ATAD2B: variants seen among roughly 807,000 people sequenced by gnomAD.
The protein encoded by ATAD2B is ATPase family AAA domain containing 2B, also known as ATPase family AAA domain-containing protein 2B.
In ATAD2B, 40 loss-of-function variants were observed where a neutral mutation model predicts 167.6. The ratio of observed to expected loss-of-function variants is 0.24; its 90% CI spans 0.19 to 0.31. ATAD2B has a LOEUF of 0.31. Ranked by LOEUF, ATAD2B falls within the 10% of genes least tolerant of loss-of-function variation. The pLI is 1.00. For missense variants in ATAD2B, 1,242 were observed against 1,757.2 expected (o/e 0.71, Z 5.24); for synonymous variants, 579 against 596.5 (o/e 0.97, Z 0.43).
At chr2:23,723,993 A>G in the ATAD2B span, among the ~76,000 whole-genome samples, 1 of 152,256 alleles carries the variant, frequency 6.6e-6, no homozygotes, top group African/African-American at 2.4e-5. Flanking sequence ...ATTTGAGGAC[A>G]TTATGTTAAG....
chr2:23,807,634 G>A (rs115880416), intron 18 of ATAD2B, among the ~76,000 whole-genome samples: 4,604 of 151,624 alleles, frequency 0.03, 79 homozygotes, highest in Non-Finnish European at 0.042. Context: ...GGCTAACATG[G>A]TGACACACCG....
At position 23,857,462 on chromosome 2, in the gene ATAD2B, T is replaced by A; in HGVS notation, c.1521A>T (p.Ile507=). ...MRPSIIFFDE[I]DGLAPVRSSR... ...TAGAGCGAACTGGAGCTAATCCATC[T>A]ATTTCATCAAAAAATATTATAGAAG... The change falls in exon 13 of 28, where the codon ATA becomes ATT. Residue 507 remains isoleucine, a synonymous_variant. Coordinates refer to ENST00000238789, the MANE Select transcript of ATAD2B (RefSeq NM_017552.4). 6.6e-7 allele frequency: 1 copy of A among 1,517,140 alleles called. No individual in the cohort carries two copies. Among genetic ancestry groups the A allele is most frequent in the Admixed American group, 2.4e-5 (1 of 41,568 alleles). The allele number at this position is 1,517,140 out of a possible 1,614,324, so 94.0% of individuals were successfully genotyped here. A position where few individuals can be genotyped will look rare whatever the true frequency, so the allele number is the denominator to read the frequency against.
At chr2:23,914,514 C>T (rs187360205) in intron 1 of ATAD2B, among the ~76,000 whole-genome samples, 1 of 152,230 alleles carries the variant, frequency 6.6e-6, no homozygotes, top group Non-Finnish European at 1.5e-5. Context: ...AAAAAGGTAG[C>T]TCATGCCAAA....
chr2:23,882,774 C>T (rs1698128794), intron 6 of ATAD2B, among the ~76,000 whole-genome samples: 1 of 151,654 alleles, frequency 6.6e-6, no homozygotes, highest in Non-Finnish European at 1.5e-5. Flanking sequence ...TGCACCACTG[C>T]ACTCCAGCCT....
chr2:23,834,472 T>C (rs1390175407), intron 13 of ATAD2B, among the ~76,000 whole-genome samples: 1 of 152,012 alleles, frequency 6.6e-6, no homozygotes, highest in Non-Finnish European at 1.5e-5. Flanking sequence ...TATCAGTCTT[T>C]AATGCTAACA....
intron 22 of ATAD2B, among the ~76,000 whole-genome samples, chr2:23,768,485 C>T (rs1303709349): frequency 6.6e-6 from 1 of 151,826 alleles, no homozygotes; most frequent in Non-Finnish European, 1.5e-5. Context: ...GCAGCAGGAT[C>T]GCTTGAGCCC....
At position 23,782,731 on chromosome 2, in the gene ATAD2B, G is replaced by A. The variant is rs889871253; in HGVS notation, c.3133+138C>T. 2.5e-5 allele frequency: 15 copies of A among 596,176 alleles called. No individual in the cohort carries two copies. In the African/African-American group the frequency reaches 2.7e-4, roughly 11 times the overall value. The allele number at this position is 596,176 out of a possible 1,614,324, so 36.9% of individuals were successfully genotyped here. On this transcript the variant is annotated intron_variant, in intron 22 of 27. Transcript: ENST00000238789. ...AACACATTATTTTTATGTAGGCTAT[G>A]AGCTTCTTATTGAGAAGTTTTGAAA...
chr2:23,868,605 A>G (rs1435187596), intron 9 of ATAD2B, among the ~76,000 whole-genome samples: 1 of 152,162 alleles, frequency 6.6e-6, no homozygotes, highest in African/African-American at 2.4e-5. Flanking sequence ...ATCCTCAACT[A>G]TTACACGAAT....
At chr2:23,746,587 A>G (rs948733697), downstream of ATAD2B, among the ~76,000 whole-genome samples, 6 of 152,212 alleles carry the variant, frequency 3.9e-5, no homozygotes, top group African/African-American at 1.4e-4. Flanking sequence ...ACTAGTCCAA[A>G]CAAAAGGATT....
chr2:23,753,329 G>C (rs1157054871), intron 27 of ATAD2B, among the ~76,000 whole-genome samples: 1 of 152,102 alleles, frequency 6.6e-6, no homozygotes, highest in East Asian at 1.9e-4. Flanking sequence ...TTTGAGAGCA[G>C]AGACTTTGTC....
At chr2:23,911,844 G>T (rs1021906280) in intron 1 of ATAD2B, among the ~76,000 whole-genome samples, 1 of 151,842 alleles carries the variant, frequency 6.6e-6, no homozygotes, top group African/African-American at 2.4e-5. Context: ...GTGTGGTGGT[G>T]CATGCCTGTA....
intron 19 of ATAD2B, among the ~76,000 whole-genome samples, chr2:23,792,975 A>C (rs866076003): frequency 3.6e-4 from 54 of 150,496 alleles, no homozygotes; most frequent in African/African-American, 1.2e-3. Context: ...AAAAAAAAAA[A>C]AAAAAAAAAA....
rs36018928 is a variant in ATAD2B, at chr2:23,877,067, CA to C, written c.902-1164del. ...GGGCAAGAAGAGCGAAACTCCATCT[CA>C]AAAAAAAAAAAAAAAAGAAAGAAAG... On this transcript the variant is annotated intron_variant, in intron 7 of 27. Coordinates refer to ENST00000238789, the MANE Select transcript of ATAD2B (RefSeq NM_017552.4). Among the ~76,000 whole-genome samples, 326 of 109,090 alleles carry C rather than the reference CA, an allele frequency of 3.0e-3. 1 individual carries two copies. The highest frequency in any genetic ancestry group is 8.9e-3 in the African/African-American group (232 of 26,030). The allele number at this position is 109,090 out of a possible 152,430, so 71.6% of individuals were successfully genotyped here. A position where few individuals can be genotyped will look rare whatever the true frequency, so the allele number is the denominator to read the frequency against.
chr2:23,885,547 G>A (rs1374958213), intron 5 of ATAD2B, among the ~76,000 whole-genome samples, 180 bp downstream of exon 5: 3 of 152,200 alleles, frequency 2.0e-5, no homozygotes, highest in Non-Finnish European at 2.9e-5. Flanking sequence ...TGGAAAGGTT[G>A]TAGCAAGAGG....
intron 10 of ATAD2B, among the ~76,000 whole-genome samples, chr2:23,867,289 G>A (rs571867994): frequency 6.6e-6 from 1 of 152,214 alleles, no homozygotes; most frequent in Admixed American, 6.5e-5. Flanking sequence ...CTAGAAACCT[G>A]GGTAATACTC....
chr2:23,887,603 T>C (rs1258503255), intron 4 of ATAD2B, among the ~76,000 whole-genome samples: 3 of 152,246 alleles, frequency 2.0e-5, no homozygotes, highest in African/African-American at 7.2e-5. Context: ...GATGCAGACG[T>C]TGAACGGATA....
intron 17 of ATAD2B, among the ~76,000 whole-genome samples, chr2:23,811,627 T>C (rs1023808864): frequency 5.3e-4 from 81 of 152,136 alleles, no homozygotes; most frequent in African/African-American, 2.0e-3. Context: ...GGGATAGCAT[T>C]AGGAGAAATA....
intron 18 of ATAD2B, among the ~76,000 whole-genome samples, chr2:23,805,962 T>C (rs374663133): frequency 3.3e-5 from 5 of 152,168 alleles, no homozygotes; most frequent in African/African-American, 1.2e-4. Flanking sequence ...TTTAAGGTAT[T>C]TGCCCATATT....
At chr2:23,868,674 C>T (rs1003033292) in intron 9 of ATAD2B, among the ~76,000 whole-genome samples, 3 of 152,010 alleles carry the variant, frequency 2.0e-5, no homozygotes, top group African/African-American at 7.2e-5. Context: ...AAAAAAAAAC[C>T]AGAGATCACA....
Sources: gnomAD v4.1 joint callset for allele counts (sites outside exome capture counted in the v4.1 genomes callset) on GRCh38, gnomAD v4.1.1 for gene constraint, MANE v1.5 for transcripts, NCBI Gene and HGNC (gene_info 2026-07-23, HGNC 2026-07-21) for gene names.